CLEC16A: variants seen among roughly 807,000 people sequenced by gnomAD.
CLEC16A encodes the protein C-type lectin domain containing 16A.
CLEC16A carries 51 observed loss-of-function variants against 109.5 expected under a neutral mutation model. That is an observed-to-expected ratio of 0.47 (90% CI 0.37 to 0.59). CLEC16A has a LOEUF of 0.59. CLEC16A is among the 20% of genes least tolerant of loss of function. CLEC16A has a pLI of 0.00. For missense variants in CLEC16A, 1,339 were observed against 1,394.0 expected (o/e 0.96, Z 0.63); for synonymous variants, 673 against 564.2 (o/e 1.19, Z -2.73).
intron 3 of CLEC16A, among the ~76,000 whole-genome samples, chr16:10,963,780 G>A (rs2042369289): frequency 6.6e-6 from 1 of 152,354 alleles, no homozygotes; most frequent in African/African-American, 2.4e-5. Flanking sequence ...CAGGCGATTA[G>A]CTCAGTGGTC....
At position 11,174,976 on chromosome 16, in the gene CLEC16A, C is replaced by T. The variant is rs1177425323; in HGVS notation, c.2807-3359C>T. ...CTTCTGTGGTTTCTGATGCGCTTTTCTCCATTGGCCGTTGCGCTTGTCTGC... is the reference window on the plus strand; with the variant it reads ...CTTCTGTGGTTTCTGATGCGCTTTTTTCCATTGGCCGTTGCGCTTGTCTGC... On this transcript the variant is annotated intron_variant, in intron 23 of 23. Coordinates refer to ENST00000409790, the MANE Select transcript of CLEC16A (RefSeq NM_015226.3). The surrounding 1 kb of genome is among the most constrained non-coding windows in gnomAD (Gnocchi z 4.7). Among the ~76,000 whole-genome samples, 44 of 152,368 alleles carry T rather than the reference C, an allele frequency of 2.9e-4. No individual in the cohort carries two copies.
At chr16:11,008,481 T>C (rs1178628063) in intron 11 of CLEC16A, among the ~76,000 whole-genome samples, 1 of 152,036 alleles carries the variant, frequency 6.6e-6, no homozygotes, top group African/African-American at 2.4e-5. Context: ...AGAGCTGTCA[T>C]TTAGAGAGGC....
At chr16:11,160,150 G>C (rs1014201695) in intron 22 of CLEC16A, among the ~76,000 whole-genome samples, 1 of 152,010 alleles carries the variant, frequency 6.6e-6, no homozygotes, top group African/African-American at 2.4e-5. Context: ...TTGCACTTTA[G>C]TCACATGGCC....
intron 19 of CLEC16A, among the ~76,000 whole-genome samples, chr16:11,066,155 C>T (rs746709365): frequency 6.6e-6 from 1 of 152,054 alleles, no homozygotes; most frequent in East Asian, 1.9e-4. Context: ...TCAGTTTCCA[C>T]AGCTGTGAAA....
At chr16:11,005,859 T>G (rs2044972289) in intron 11 of CLEC16A, among the ~76,000 whole-genome samples, 1 of 152,208 alleles carries the variant, frequency 6.6e-6, no homozygotes, top group African/African-American at 2.4e-5. Flanking sequence ...CAGTCATGTC[T>G]CAGCATCTAG....
chr16:10,983,901 G>A (rs2043471853), intron 10 of CLEC16A, among the ~76,000 whole-genome samples: 1 of 146,914 alleles, frequency 6.8e-6, no homozygotes, highest in Admixed American at 6.7e-5. Flanking sequence ...ACCTGTCACT[G>A]AATCAGCTGC....
At chr16:11,086,464 C>G (rs1238539255) in intron 19 of CLEC16A, among the ~76,000 whole-genome samples, 1 of 152,222 alleles carries the variant, frequency 6.6e-6, no homozygotes, top group African/African-American at 2.4e-5. Context: ...TAGTACCTCA[C>G]TGGTAGGTAA....
At chr16:11,137,136 A>T (rs1207263269) in intron 22 of CLEC16A, among the ~76,000 whole-genome samples, 1 of 152,226 alleles carries the variant, frequency 6.6e-6, no homozygotes, top group East Asian at 1.9e-4. Flanking sequence ...CTGTATCTAA[A>T]GGAAAAGTCC....
rs2068939276 is a variant in CLEC16A, at chr16:11,181,079, C to T, written c.*2389C>T. On this transcript the variant is annotated 3_prime_UTR_variant, in exon 24 of 24. Transcript: ENST00000409790. ...CTCCAGGTGTGTGGGGTGAGGATTT[C>T]CTATAACCAGGGCTCCCAGAAGCTT... 1 of 152,216 alleles carries T rather than the reference C, an allele frequency of 6.6e-6. No homozygotes were observed. Among genetic ancestry groups the T allele is most frequent in the South Asian group, 2.1e-4 (1 of 4,824 alleles). The allele number at this position is 152,216 out of a possible 1,614,324, so 9.4% of individuals were successfully genotyped here.
intron 18 of CLEC16A, among the ~76,000 whole-genome samples, chr16:11,052,060 T>C (rs1221432294): frequency 1.3e-5 from 2 of 152,186 alleles, no homozygotes. Context: ...ATCTACCTGC[T>C]CTTGGGACAC....
intron 22 of CLEC16A, among the ~76,000 whole-genome samples, chr16:11,131,151 G>A (rs2053181879): frequency 6.6e-6 from 1 of 152,162 alleles, no homozygotes; most frequent in African/African-American, 2.4e-5. Flanking sequence ...GGTCAGTGGC[G>A]GCCAGTATGT....
At chr16:11,003,331 TG>T in intron 11 of CLEC16A, 26 bp downstream of exon 11, 2 of 1,589,098 alleles carry the variant, frequency 1.3e-6, no homozygotes, top group Non-Finnish European at 1.7e-6. Context: ...AACGCCGCCC[TG>T]TGCCTGCGCC....
At chr16:10,984,349 T>A (rs894556919) in intron 10 of CLEC16A, among the ~76,000 whole-genome samples, 7 of 152,228 alleles carry the variant, frequency 4.6e-5, no homozygotes, top group African/African-American at 1.7e-4. Context: ...AGTGAATTGA[T>A]TGGGGCCTTT....
intron 18 of CLEC16A, among the ~76,000 whole-genome samples, chr16:11,055,921 T>C (rs1205056533): frequency 6.6e-6 from 1 of 152,084 alleles, no homozygotes. Flanking sequence ...CATCACTTAT[T>C]CTTTCTTTCA....
chr16:11,044,188 A>G, intron 16 of CLEC16A, 116 bp downstream of exon 16: 1 of 817,582 alleles, frequency 1.2e-6, no homozygotes, highest in East Asian at 2.9e-5. Context: ...TTATGCCTAT[A>G]ATTACTGAAT....
At chr16:11,014,507 T>C (rs778418243) in intron 11 of CLEC16A, among the ~76,000 whole-genome samples, 3 of 152,232 alleles carry the variant, frequency 2.0e-5, no homozygotes, top group African/African-American at 7.2e-5. Flanking sequence ...ATTTAAACTT[T>C]CCTTTTAAGC....
chr16:11,171,269 C>A (rs192096056), intron 23 of CLEC16A, among the ~76,000 whole-genome samples: 14 of 152,334 alleles, frequency 9.2e-5, no homozygotes, highest in African/African-American at 2.4e-4. Flanking sequence ...CACCCAGAGG[C>A]TCCCTCCGTG....
chr16:11,164,048 C>G (rs892250063), intron 22 of CLEC16A, among the ~76,000 whole-genome samples: 1 of 152,134 alleles, frequency 6.6e-6, no homozygotes, highest in African/African-American at 2.4e-5. Context: ...TTGGATTTGC[C>G]GGATGTTTGC....
At chr16:11,041,356 A>T (rs2047326015) in intron 14 of CLEC16A, 1 of 152,184 alleles carries the variant, frequency 6.6e-6, no homozygotes. Flanking sequence ...AACCCGACTC[A>T]CTCTGGCTTA....
Sources: allele counts gnomAD v4.1 joint callset (sites outside exome capture counted in the v4.1 genomes callset), GRCh38; gene constraint gnomAD v4.1.1; non-coding constraint Gnocchi (gnomAD v3.1); transcripts MANE v1.5; gene names NCBI Gene and HGNC (gene_info 2026-07-23, HGNC 2026-07-21).